SRSF5: variants seen among roughly 807,000 people sequenced by gnomAD.
The protein encoded by SRSF5 is serine/arginine-rich splicing factor 5.
Under a neutral mutation model 34.0 loss-of-function variants are expected in SRSF5, and 5 were observed. That is an observed-to-expected ratio of 0.15 (90% CI 0.08 to 0.31). SRSF5 has a LOEUF of 0.31. Ranked by LOEUF, SRSF5 falls within the 10% of genes least tolerant of loss-of-function variation. The probability of loss-of-function intolerance (pLI) is 1.00; values close to 1 mark genes in which losing one functional copy is unlikely to be tolerated. For synonymous variants in SRSF5, 164 were observed against 117.7 expected (o/e 1.39, Z -2.55); for missense variants, 223 against 351.4 (o/e 0.63, Z 2.92).
intron 5 of SRSF5, 107 bp from the exon 6 acceptor site, chr14:69,770,360 C>A: frequency 6.7e-7 from 1 of 1,490,324 alleles, no homozygotes; most frequent in Non-Finnish European, 8.9e-7. Context: ...CATGTTTGTA[C>A]TTTATCTAAC....
chr14:69,771,114 A>C lies in SRSF5; in HGVS notation c.551+9A>C. On this transcript the variant is annotated intron_variant, in intron 7 of 7. Transcript: ENST00000557154. ...GGCAGCAAAAGGCACAGGTATCTCT[A>C]ATTTTTTAAAGTCAAAAGTTGTATT... 6.2e-7 allele frequency: 1 copy of C among 1,612,908 alleles called. No individual in the cohort carries two copies. Among genetic ancestry groups the C allele is most frequent in the Non-Finnish European group, 8.5e-7 (1 of 1,179,660 alleles).
chr14:69,768,718 A>T (rs1882841574), intron 3 of SRSF5, 44 bp downstream of exon 3: 1 of 1,610,440 alleles, frequency 6.2e-7, no homozygotes. Context: ...CATAGAGCAG[A>T]CTGGGTCTGC....
In SRSF5 at chr14:69,768,471, C is replaced by G; in HGVS notation, c.127-133C>G. 4 of 1,209,670 alleles carry G rather than the reference C, an allele frequency of 3.3e-6. No individual in the cohort carries two copies. The South Asian group carries it at 5.5e-5, about 17-fold the overall frequency. The allele number at this position is 1,209,670 out of a possible 1,614,324, so 74.9% of individuals were successfully genotyped here. On this transcript the variant is annotated intron_variant, in intron 2 of 7. Coordinates refer to ENST00000557154, the MANE Select transcript of SRSF5 (RefSeq NM_001320214.2). ...ACTGGAACCCCACTCCCAGTGGCTC[C>G]TTGATTAGGTTTGACTGTATGGCAG...
Position 69,768,852 on chromosome 14 carries a change from A to G in SRSF5, c.252A>G (p.Arg84=), listed in dbSNP as rs767682838. The change falls in exon 4 of 8, where the codon CGA becomes CGG. Residue 84 remains arginine (R), a synonymous_variant. Coordinates refer to ENST00000557154, the MANE Select transcript of SRSF5 (RefSeq NM_001320214.2). The part of the protein sequence containing the change: ...ARSRGGRGRG[R]YSDRFSSRRP... ...CACGAGGTGGAAGAGGTAGAGGACGATACTCTGACCGTTTTAGTAGTCGCA... is the reference window on the plus strand; with the variant it reads ...CACGAGGTGGAAGAGGTAGAGGACGGTACTCTGACCGTTTTAGTAGTCGCA... 1 of 1,614,206 alleles carries G rather than the reference A, an allele frequency of 6.2e-7. No individual in the cohort carries two copies. Among genetic ancestry groups the G allele is most frequent in the Non-Finnish European group, 8.5e-7 (1 of 1,180,040 alleles).
At position 69,768,125 on chromosome 14, in the gene SRSF5, T is replaced by C; in HGVS notation, c.-19-13T>C. 1.9e-6 allele frequency: 3 copies of C among 1,613,816 alleles called. No individual in the cohort carries two copies. The highest frequency in any genetic ancestry group is 2.5e-6 in the Non-Finnish European group (3 of 1,179,848). On this transcript the variant is annotated splice_polypyrimidine_tract_variant and intron_variant, in intron 1 of 7. Transcript: ENST00000557154. ...GTCATTGCTATTATCTCGATTGAAT[T>C]ACTTTCTAATAGGAAGTACTAGCCG...
In SRSF5 at chr14:69,771,256, G is replaced by A. The variant is rs141668513; in HGVS notation, c.614G>A (p.Arg205His). The change falls in exon 8 of 8, where the codon CGT becomes CAT. Residue 205 changes from arginine (R) to histidine (H), a missense_variant. Transcript: ENST00000557154. ...TCCTCTAGGTCTCGTAGCCGATCCC[G>A]TTCCCGTAGTCGCAAATCTTACAGC... is the stretch of plus-strand genomic sequence containing the variant. ...RSSSRSRSRS[R>H]SRSRKSYSRS... 2.0e-5 allele frequency: 32 copies of A among 1,614,108 alleles called. No homozygotes were observed. The Middle Eastern group carries it at 6.6e-4, about 33-fold the overall frequency.
chr14:69,768,416 A>G, intron 2 of SRSF5, 134 bp downstream of exon 2: 5 of 1,396,176 alleles, frequency 3.6e-6, no homozygotes, highest in Non-Finnish European at 4.9e-6. Context: ...AATTTTATTG[A>G]GGCTGAAAAC....
At chr14:69,768,548 G>A in intron 2 of SRSF5, 56 bp from the exon 3 acceptor site, 1 of 1,513,714 alleles carries the variant, frequency 6.6e-7, no homozygotes, top group Non-Finnish European at 9.2e-7. Context: ...TGCTCTTAAT[G>A]TGTTGTAGAA....
Position 69,771,004 on chromosome 14 carries a change from G to A in SRSF5, c.450G>A (p.Glu150=), listed in dbSNP as rs771288073. 8 of 1,612,264 alleles carry A rather than the reference G, an allele frequency of 5.0e-6. No individual in the cohort carries two copies. In the Admixed American group the frequency reaches 1.2e-4, roughly 24 times the overall value. ...HRPKLNEGVV[E]FASYGDLKNA... Reference sequence around the variant, plus strand: ...CTGTTTTCCATTTTAGGGTGGTTGAGTTTGCCTCTTATGGTGACTTAAAGA... The same window carrying A: ...CTGTTTTCCATTTTAGGGTGGTTGAATTTGCCTCTTATGGTGACTTAAAGA... The change falls in exon 7 of 8, where the codon GAG becomes GAA. Residue 150 remains glutamate, a synonymous_variant. Coordinates refer to ENST00000557154, the MANE Select transcript of SRSF5 (RefSeq NM_001320214.2).
intron 5 of SRSF5, chr14:69,769,799 A>G (rs1192609293): frequency 7.4e-7 from 1 of 1,349,834 alleles, no homozygotes; most frequent in Non-Finnish European, 9.5e-7. Context: ...GTTGAAAGAT[A>G]CGAAATTAGG....
In SRSF5 at chr14:69,768,599, T is replaced by A. The variant is rs181963146; in HGVS notation, c.127-5T>A. 1.4e-5 allele frequency: 23 copies of A among 1,614,036 alleles called. No homozygotes were observed. The Admixed American group carries it at 1.8e-4, about 13-fold the overall frequency. ...AATGTTAAGAGTCTTATGCTTACAT[T>A]TTAGGAATTTGAGGATCCAAGGGAT... On this transcript the variant is annotated splice_polypyrimidine_tract_variant and splice_region_variant and intron_variant, in intron 2 of 7. Coordinates refer to ENST00000557154, the MANE Select transcript of SRSF5 (RefSeq NM_001320214.2).
intron 5 of SRSF5, chr14:69,769,940 C>T (rs992407174): frequency 1.8e-5 from 19 of 1,075,870 alleles, no homozygotes; most frequent in Middle Eastern, 4.3e-4. Context: ...TGGGTAGTGT[C>T]CTTCAAGTGG....
At chr14:69,767,821 C>T (rs1244605032) in intron 1 of SRSF5, 10 of 361,158 alleles carry the variant, frequency 2.8e-5, no homozygotes, top group Non-Finnish European at 5.4e-5. Flanking sequence ...CGGCTCCGCC[C>T]GCACTTCTCG....
In SRSF5 at chr14:69,767,249, C is replaced by T. The variant is rs914022539; in HGVS notation, c.-26C>T. ...GGGTCTCAGCCGCCAAAGACCCCGT[C>T]CGGTAGGTGAGTGGCTCACTTTGAG... is the stretch of plus-strand genomic sequence containing the variant. On this transcript the variant is annotated 5_prime_UTR_variant, in exon 1 of 8. Coordinates refer to ENST00000557154, the MANE Select transcript of SRSF5 (RefSeq NM_001320214.2). 4 of 380,512 alleles carry T rather than the reference C, an allele frequency of 1.1e-5. No individual in the cohort carries two copies. The highest frequency in any genetic ancestry group is 8.5e-5 in the African/African-American group (4 of 47,086). The allele number at this position is 380,512 out of a possible 1,614,324, so 23.6% of individuals were successfully genotyped here. A position where few individuals can be genotyped will look rare whatever the true frequency, so the allele number is the denominator to read the frequency against.
chr14:69,768,701 C>G lies in SRSF5; in HGVS notation c.197+27C>G, dbSNP rs759212362. On this transcript the variant is annotated intron_variant, in intron 3 of 7. Coordinates refer to ENST00000557154, the MANE Select transcript of SRSF5 (RefSeq NM_001320214.2). The stretch of plus-strand genomic sequence containing the variant: ...TGAGATTCCTGTGTAACTAGATAAC[C>G]CTGGGACATAGAGCAGACTGGGTCT... 5 of 1,612,760 alleles carry G rather than the reference C, an allele frequency of 3.1e-6. No individual in the cohort carries two copies. The African/African-American group carries it at 6.7e-5, about 22-fold the overall frequency.
Position 69,768,644 on chromosome 14 carries a change from A to G in SRSF5, c.167A>G (p.Glu56Gly). 3 of 1,614,182 alleles carry G rather than the reference A, an allele frequency of 1.9e-6. No individual in the cohort carries two copies. The highest frequency in any genetic ancestry group is 2.5e-6 in the Non-Finnish European group (3 of 1,180,016). The change falls in exon 3 of 8, where the codon GAG becomes GGG. Residue 56 changes from glutamate (E) to glycine (G), a missense_variant. This residue lies in a region of SRSF5 where 27 missense variants were observed against 90.7 expected (regional missense o/e 0.30). Transcript: ENST00000557154. ...DPRDADDAVY[E>G]LDGKELCSER... is the part of the protein sequence containing the mutation. ...AGGGATGCAGATGATGCTGTGTATG[A>G]GCTTGATGGAAAAGAACTCTGTAGT...
intron 1 of SRSF5, 196 bp from the exon 2 acceptor site, chr14:69,767,942 T>C: frequency 1.8e-6 from 1 of 553,234 alleles, no homozygotes; most frequent in Non-Finnish European, 3.2e-6. Context: ...CTGGGCCCAG[T>C]AGCGGACCGT....
chr14:69,767,340 CTT>C (rs1178565702), intron 1 of SRSF5, 85 bp downstream of exon 1: 3 of 455,726 alleles, frequency 6.6e-6, no homozygotes, highest in African/African-American at 2.0e-5. Flanking sequence ...GGGCTGCTCT[CTT>C]TGCGGAGGAT....
Position 69,768,137 on chromosome 14 carries a change from G to C in SRSF5, c.-19-1G>C. ...ATCTCGATTGAATTACTTTCTAATA[G>C]GAAGTACTAGCCGGACATCATGAGT... On this transcript the variant is annotated splice_acceptor_variant, in intron 1 of 7. Transcript: ENST00000557154. LOFTEE classifies it low-confidence loss of function (5UTR_SPLICE). 1 of 1,614,012 alleles carries C rather than the reference G, an allele frequency of 6.2e-7. No individual in the cohort carries two copies. Among genetic ancestry groups the C allele is most frequent in the Non-Finnish European group, 8.5e-7 (1 of 1,179,942 alleles).
Sources: gnomAD v4.1 joint callset for allele counts on GRCh38, gnomAD v4.1.1 for gene constraint, gnomAD v4.1.1 regional missense constraint, MANE v1.5 for transcripts, NCBI Gene and HGNC (gene_info 2026-07-23, HGNC 2026-07-21) for gene names.